Variants in VAPA observed in about 807,000 individuals in gnomAD.
The protein encoded by VAPA is VAMP associated protein A.
VAPA carries 6 observed loss-of-function variants against 25.6 expected under a neutral mutation model. The observed-to-expected ratio is 0.23, with a 90% confidence interval of 0.13 to 0.46. The LOEUF (loss-of-function observed/expected upper bound fraction) is 0.46. VAPA is among the 20% of genes least tolerant of loss of function. VAPA has a pLI of 0.99. For synonymous variants in VAPA, 112 were observed against 106.2 expected, an observed-to-expected ratio of 1.05 and a Z score of -0.34; for missense variants, 244 against 302.1, an observed-to-expected ratio of 0.81 and a Z score of 1.43.
intron 1 of VAPA, among the ~76,000 whole-genome samples, chr18:9,927,627 T>A (rs371417634): frequency 1.3e-5 from 2 of 152,238 alleles, no homozygotes; most frequent in Non-Finnish European, 1.5e-5. Flanking sequence ...GGGTATTTCC[T>A]GCTGGAAAAA....
chr18:9,926,665 A>C (rs550508923), intron 1 of VAPA, among the ~76,000 whole-genome samples: 39 of 152,178 alleles, frequency 2.6e-4, no homozygotes, highest in African/African-American at 8.2e-4. Flanking sequence ...ATAACTAGAA[A>C]CCCTGAGCTT....
In VAPA at chr18:9,931,929, A is replaced by G. The variant is rs527978266; in HGVS notation, c.199A>G (p.Ile67Val). ...GTACTGTGTGAGGCCCAACAGTGGA[A>G]TTATTGACCCAGGGTCAACTGTGAC... The part of the protein sequence containing the change: ...RRYCVRPNSG[I>V]IDPGSTVTVS... Residue 67 changes from isoleucine (I) to valine (V), a missense_variant, in exon 2 of 6, where the codon ATT becomes GTT. Transcript: ENST00000400000. The G allele has an allele frequency of 3.1e-6, 5 of 1,609,914 alleles. No individual in the cohort carries two copies. Among genetic ancestry groups the G allele is most frequent in the Non-Finnish European group, 4.2e-6 (5 of 1,177,938 alleles).
Position 9,914,254 on chromosome 18 carries a change from C to G in VAPA, c.-3C>G. 6.3e-7 allele frequency: 1 copy of G among 1,581,006 alleles called. No individual in the cohort carries two copies. Among genetic ancestry groups the G allele is most frequent in the Non-Finnish European group, 8.6e-7 (1 of 1,165,620 alleles). On this transcript the variant is annotated 5_prime_UTR_variant, in exon 1 of 6. Transcript: ENST00000400000. The stretch of plus-strand genomic sequence containing the variant: ...CGCGCCCCCGCTCTGCGCTGTCTCT[C>G]CGATGGCGTCCGCCTCAGGGGCCAT...
chr18:9,923,472 G>C (rs1364817667), intron 1 of VAPA, among the ~76,000 whole-genome samples: 4 of 152,070 alleles, frequency 2.6e-5, no homozygotes, highest in Non-Finnish European at 1.5e-5. Flanking sequence ...TTTCTCATGG[G>C]CCTATGTTTT....
At chr18:9,935,289 G>T (rs1490711011) in intron 2 of VAPA, among the ~76,000 whole-genome samples, 1 of 151,792 alleles carries the variant, frequency 6.6e-6, no homozygotes, top group Admixed American at 6.6e-5. Flanking sequence ...AACAATATAT[G>T]GGCTGGGTGC....
intron 1 of VAPA, chr18:9,923,803 CAAGT>C (rs2069176968): frequency 6.6e-6 from 1 of 152,034 alleles, no homozygotes; most frequent in Non-Finnish European, 1.5e-5. Context: ...CAGGATTTTA[CAAGT>C]AAGAGGATTT....
At chr18:9,942,356 C>T (rs2069374323) in intron 4 of VAPA, among the ~76,000 whole-genome samples, 1 of 152,172 alleles carries the variant, frequency 6.6e-6, no homozygotes, top group South Asian at 2.1e-4. Flanking sequence ...AAAGCAGATT[C>T]TGCAATAGCT....
In VAPA at chr18:9,922,826, G is replaced by A. The variant is rs928475836; in HGVS notation, c.79+8491G>A. ...ATGCCAGTTATACTTCATTTCCTGT[G>A]CCATTGAATTGCTTACATCTTTATG... On this transcript the variant is annotated intron_variant, in intron 1 of 5. Transcript: ENST00000400000. Among the ~76,000 whole-genome samples, 12 of 152,204 alleles carry A rather than the reference G, an allele frequency of 7.9e-5. 1 individual carries two copies. Among genetic ancestry groups the A allele is most frequent in the Admixed American group, 2.6e-4 (4 of 15,290 alleles).
rs1395548479 is a variant in VAPA, at chr18:9,958,372, T to G, written c.*4161T>G. The G allele has an allele frequency of 6.6e-6, 1 of 152,242 alleles. No homozygotes were observed. The highest frequency in any genetic ancestry group is 1.9e-4 in the East Asian group (1 of 5,204). 9.4% of individuals were successfully genotyped at this position (152,242 alleles called of 1,614,324 possible). ...TATCCTCCTGTTGCCACATTTCTTGTTTTAAAACTCAGTTTCTTGTTTTCC... is the reference window on the plus strand; with the variant it reads ...TATCCTCCTGTTGCCACATTTCTTGGTTTAAAACTCAGTTTCTTGTTTTCC... On this transcript the variant is annotated 3_prime_UTR_variant, in exon 6 of 6. Coordinates refer to ENST00000400000, the MANE Select transcript of VAPA (RefSeq NM_194434.3).
intron 4 of VAPA, among the ~76,000 whole-genome samples, chr18:9,946,933 T>G (rs1182374398): frequency 6.6e-6 from 1 of 152,248 alleles, no homozygotes; most frequent in Non-Finnish European, 1.5e-5. Flanking sequence ...TTTTTCTATT[T>G]TTTAAATAAG....
intron 2 of VAPA, 39 bp downstream of exon 2, chr18:9,932,001 T>C: frequency 6.9e-7 from 1 of 1,447,074 alleles, no homozygotes; most frequent in African/African-American, 1.4e-5. Flanking sequence ...CATTTGAATT[T>C]TGACCTTTTA....
chr18:9,953,297 G>T (rs1287076574), intron 5 of VAPA, among the ~76,000 whole-genome samples: 3 of 152,142 alleles, frequency 2.0e-5, no homozygotes, highest in African/African-American at 7.2e-5. Context: ...TCCAGTCCAG[G>T]TGCAGAGCTT....
At chr18:9,942,428 AT>A (rs149650125) in intron 4 of VAPA, among the ~76,000 whole-genome samples, 198 of 151,288 alleles carry the variant, frequency 1.3e-3, no homozygotes, top group Middle Eastern at 6.8e-3. Flanking sequence ...GAACTTTATG[AT>A]TTTTTTTTAG....
At chr18:9,945,119 A>G (rs1373314965) in intron 4 of VAPA, 6 of 1,564,224 alleles carry the variant, frequency 3.8e-6, no homozygotes, top group Non-Finnish European at 4.4e-6. Context: ...AAGTTAATGT[A>G]GATACCTAGC....
chr18:9,942,549 A>G (rs1215050811), intron 4 of VAPA, among the ~76,000 whole-genome samples: 3 of 152,158 alleles, frequency 2.0e-5, no homozygotes, highest in Non-Finnish European at 4.4e-5. Flanking sequence ...TCACATTGCT[A>G]TAAAGAAATA....
At chr18:9,924,136 C>T (rs2069180518) in intron 1 of VAPA, 1 of 151,796 alleles carries the variant, frequency 6.6e-6, no homozygotes. Context: ...TTATTGTGAT[C>T]ATTTTTTCAT....
intron 4 of VAPA, among the ~76,000 whole-genome samples, chr18:9,940,152 C>T (rs2069352488): frequency 1.3e-5 from 2 of 152,186 alleles, no homozygotes; most frequent in African/African-American, 4.8e-5. Context: ...TTTCTTTCTT[C>T]CCTGCTTGCT....
chr18:9,920,236 A>G (rs1567891498), intron 1 of VAPA, among the ~76,000 whole-genome samples: 1 of 152,186 alleles, frequency 6.6e-6, no homozygotes, highest in Non-Finnish European at 1.5e-5. Context: ...TGGGCTTTGG[A>G]TAATTTCCTT....
chr18:9,937,186 T>A, intron 4 of VAPA, 120 bp downstream of exon 4: 5 of 460,264 alleles, frequency 1.1e-5, no homozygotes, highest in East Asian at 4.1e-5. Flanking sequence ...TTCATAAGAC[T>A]CAGTGGTTAA....
Sources: gnomAD v4.1 joint callset for allele counts (sites outside exome capture counted in the v4.1 genomes callset) on GRCh38, gnomAD v4.1.1 for gene constraint, MANE v1.5 for transcripts, NCBI Gene and HGNC (gene_info 2026-07-23, HGNC 2026-07-21) for gene names.